The following ADAM28 variants were observed in gnomAD, a reference collection of about 807,000 sequenced individuals.
The protein encoded by ADAM28 is ADAM metallopeptidase domain 28.
Under a neutral mutation model 101.2 loss-of-function variants are expected in ADAM28, and 105 were observed. The ratio of observed to expected loss-of-function variants is 1.04; its 90% CI spans 0.89 to 1.22. The LOEUF (loss-of-function observed/expected upper bound fraction) is 1.22. Ranked by LOEUF, ADAM28 falls within the 50% of genes most tolerant of loss-of-function variation. The pLI is 0.00. For missense variants in ADAM28, 1,028 were observed against 945.4 expected, an observed-to-expected ratio of 1.09 and a Z score of -1.15; for synonymous variants, 322 against 310.6, an observed-to-expected ratio of 1.04 and a Z score of -0.39.
At chr8:24,325,870 GC>G (rs1456096713) in intron 9 of ADAM28, among the ~76,000 whole-genome samples, 125 of 1,784 alleles carry the variant, frequency 0.07, no homozygotes, top group Non-Finnish European at 0.1. Context: ...TGTACAGATA[GC>G]AAAAAAAAAA....
intron 1 of ADAM28, 82 bp from the exon 2 acceptor site, chr8:24,299,891 TG>T: frequency 1.0e-6 from 1 of 959,582 alleles, no homozygotes; most frequent in Non-Finnish European, 1.6e-6. Flanking sequence ...CATCGTTCAT[TG>T]GGAATGCAGT....
Position 24,358,899 on chromosome 8 carries a change from T to C in ADAM28, c.*4495T>C, listed in dbSNP as rs758070830. 1 of 152,180 alleles carries C rather than the reference T, an allele frequency of 6.6e-6. No individual in the cohort carries two copies. Among genetic ancestry groups the C allele is most frequent in the African/African-American group, 2.4e-5 (1 of 41,440 alleles). 9.4% of individuals were successfully genotyped at this position (152,180 alleles called of 1,614,324 possible). A position where few individuals can be genotyped will look rare whatever the true frequency, so the allele number is the denominator to read the frequency against. On this transcript the variant is annotated 3_prime_UTR_variant, in exon 23 of 23. Coordinates refer to ENST00000265769, the MANE Select transcript of ADAM28 (RefSeq NM_014265.6). ...CTCAATATTAAATGACTAAGATGACTAAGTCGTTTATGTTGCTCCCACCTC... is the reference window on the plus strand; with the variant it reads ...CTCAATATTAAATGACTAAGATGACCAAGTCGTTTATGTTGCTCCCACCTC...
At chr8:24,347,274 A>C (rs1815512612) in intron 18 of ADAM28, among the ~76,000 whole-genome samples, 1 of 152,126 alleles carries the variant, frequency 6.6e-6, no homozygotes, top group African/African-American at 2.4e-5. Context: ...CCTAAGTTAG[A>C]AATAATATCT....
chr8:24,309,814 C>A, intron 2 of ADAM28, 80 bp from the exon 3 acceptor site: 1 of 1,072,270 alleles, frequency 9.3e-7, no homozygotes, highest in South Asian at 1.5e-5. Flanking sequence ...ATATTGCTTG[C>A]TAATGACTAC....
At chr8:24,321,370 C>A (rs1051723632) in intron 8 of ADAM28, 81 bp downstream of exon 8, 5 of 1,168,622 alleles carry the variant, frequency 4.3e-6, no homozygotes, top group Non-Finnish European at 6.4e-6. Flanking sequence ...GCACATGAAG[C>A]ATGGAAGCAA....
At chr8:24,302,511 G>A (rs1013141629) in intron 2 of ADAM28, among the ~76,000 whole-genome samples, 7 of 152,172 alleles carry the variant, frequency 4.6e-5, no homozygotes, top group Admixed American at 2.0e-4. Flanking sequence ...TTGAGGAATT[G>A]CCACACCGTC....
chr8:24,299,314 C>G (rs764808200), intron 1 of ADAM28, among the ~76,000 whole-genome samples: 5 of 152,138 alleles, frequency 3.3e-5, no homozygotes, highest in Non-Finnish European at 5.9e-5. Flanking sequence ...CAAAAAAGTC[C>G]TTCCAGGCCA....
At chr8:24,351,587 C>A in intron 20 of ADAM28, 1 of 525,270 alleles carries the variant, frequency 1.9e-6, no homozygotes, top group Non-Finnish European at 3.4e-6. Context: ...CATTCTCTCT[C>A]CCTCTCTCAC....
intron 22 of ADAM28, 47 bp downstream of exon 22, chr8:24,353,879 C>T (rs1433077121): frequency 6.8e-6 from 9 of 1,320,732 alleles, no homozygotes; most frequent in Non-Finnish European, 9.7e-6. Flanking sequence ...TTATAATCTC[C>T]TACTGTCAAG....
At chr8:24,301,494 G>T (rs938247220) in intron 2 of ADAM28, among the ~76,000 whole-genome samples, 1 of 152,016 alleles carries the variant, frequency 6.6e-6, no homozygotes, top group African/African-American at 2.4e-5. Flanking sequence ...AAAAAATAAG[G>T]ATTTTTAATA....
chr8:24,328,791 G>A (rs868752118), intron 10 of ADAM28, among the ~76,000 whole-genome samples: 6 of 151,934 alleles, frequency 3.9e-5, no homozygotes, highest in Non-Finnish European at 7.4e-5. Flanking sequence ...TTAGTTGGAC[G>A]TAGTGGCTGG....
chr8:24,318,734 G>A (rs1030625486), intron 6 of ADAM28, among the ~76,000 whole-genome samples: 3 of 151,604 alleles, frequency 2.0e-5, no homozygotes, highest in Admixed American at 6.6e-5. Context: ...TCTTCATCCC[G>A]CCTTATATGG....
intron 10 of ADAM28, among the ~76,000 whole-genome samples, chr8:24,329,376 C>T (rs1278438932): frequency 6.6e-6 from 1 of 152,164 alleles, no homozygotes; most frequent in African/African-American, 2.4e-5. Context: ...CAACGATTCT[C>T]CTGCATTGTT....
chr8:24,308,479 T>C (rs1810003249), intron 2 of ADAM28, among the ~76,000 whole-genome samples: 1 of 152,222 alleles, frequency 6.6e-6, no homozygotes, highest in African/African-American at 2.4e-5. Context: ...AAAAAGCCAT[T>C]GCTGAACAGG....
At position 24,335,548 on chromosome 8, in the gene ADAM28, G is replaced by A; in HGVS notation, c.1474G>A (p.Val492Ile). The part of the protein sequence containing the change: ...SGNCPDDRFQ[V>I]NGFPCHHGKG... ...TAATTGTCCTGATGATAGATTCCAA[G>A]TCAATGGCTTCCCTTGCCATCACGG... The change falls in exon 14 of 23, where the codon GTC becomes ATC. Residue 492 changes from valine (V) to isoleucine (I), a missense_variant. Transcript: ENST00000265769. 1 of 1,614,118 alleles carries A rather than the reference G, an allele frequency of 6.2e-7. No individual in the cohort carries two copies. Among genetic ancestry groups the A allele is most frequent in the South Asian group, 1.1e-5 (1 of 91,074 alleles).
At chr8:24,296,518 A>C (rs535912638) in intron 1 of ADAM28, among the ~76,000 whole-genome samples, 1 of 152,220 alleles carries the variant, frequency 6.6e-6, no homozygotes. Flanking sequence ...AAATGTCAAT[A>C]TTACATACTC....
At chr8:24,353,687 T>TTTCA (rs1286736856) in intron 21 of ADAM28, 83 bp from the exon 22 acceptor site, 1 of 970,756 alleles carries the variant, frequency 1.0e-6, no homozygotes, top group Non-Finnish European at 1.6e-6. Flanking sequence ...TAGGAAATAA[T>TTTCA]TTCATTAAGG....
rs1214268821 is a variant in ADAM28 at position 24,357,249 on chromosome 8, G to GTTGT, written c.*2848_*2851dup. On this transcript the variant is annotated 3_prime_UTR_variant, in exon 23 of 23. Coordinates refer to ENST00000265769, the MANE Select transcript of ADAM28 (RefSeq NM_014265.6). ...AGAAACTGTATGATAATTAATATGT[G>GTTGT]TTGTTTAAAGTTGTTATGGTTTGGA... The GTTGT allele has an allele frequency of 2.0e-5, 3 of 152,136 alleles. No individual in the cohort carries two copies. The highest frequency in any genetic ancestry group is 1.5e-5 in the Non-Finnish European group (1 of 68,028). 9.4% of individuals were successfully genotyped at this position (152,136 alleles called of 1,614,324 possible).
Position 24,326,639 on chromosome 8 carries a change from T to C in ADAM28, c.972+4T>C. 1 of 1,608,718 alleles carries C rather than the reference T, an allele frequency of 6.2e-7. No homozygotes were observed. Among genetic ancestry groups the C allele is most frequent in the Non-Finnish European group, 8.5e-7 (1 of 1,176,716 alleles). On this transcript the variant is annotated splice_donor_region_variant and intron_variant, in intron 10 of 22. Coordinates refer to ENST00000265769, the MANE Select transcript of ADAM28 (RefSeq NM_014265.6). ...TTATTCTGTTGGCGTTGTTCAGGTC[T>C]GTATGATGATAAACTGTTGGTTCTA...
Sources: allele counts gnomAD v4.1 joint callset (sites outside exome capture counted in the v4.1 genomes callset), GRCh38; gene constraint gnomAD v4.1.1; transcripts MANE v1.5; gene names NCBI Gene and HGNC (gene_info 2026-07-23, HGNC 2026-07-21).